The following CHRM5 variants were observed in gnomAD, a reference collection of about 807,000 sequenced individuals.
CHRM5 encodes cholinergic receptor muscarinic 5, also known as muscarinic acetylcholine receptor M5.
CHRM5 carries 18 observed loss-of-function variants against 39.0 expected under a neutral mutation model. The ratio of observed to expected loss-of-function variants is 0.46; its 90% CI spans 0.32 to 0.68. The LOEUF is 0.68. Among genes scored for constraint, CHRM5 ranks in the 30% least tolerant of loss-of-function variants. CHRM5 has a pLI of 0.04. For missense variants in CHRM5, 515 were observed against 651.1 expected, an observed-to-expected ratio of 0.79 and a Z score of 2.28; for synonymous variants, 241 against 246.3, an observed-to-expected ratio of 0.98 and a Z score of 0.20.
chr15:34,062,122 C>T (rs2140845333), intron 2 of CHRM5, among the ~76,000 whole-genome samples: 1 of 152,242 alleles, frequency 6.6e-6, no homozygotes, highest in African/African-American at 2.4e-5. Context: ...GGGCAGCAGC[C>T]TCATGCATAA....
At chr15:33,988,425 A>G (rs1896573279) in intron 1 of CHRM5, among the ~76,000 whole-genome samples, 1 of 152,244 alleles carries the variant, frequency 6.6e-6, no homozygotes, top group Non-Finnish European at 1.5e-5. Context: ...CTACATGTAT[A>G]GAATAGAGAT....
chr15:34,010,668 G>C (rs1273574225), intron 1 of CHRM5, among the ~76,000 whole-genome samples: 1 of 152,060 alleles, frequency 6.6e-6, no homozygotes, highest in Non-Finnish European at 1.5e-5. Flanking sequence ...AAAGAAATGA[G>C]AAAGAACACA....
chr15:33,993,892 C>A (rs1167329441), intron 1 of CHRM5, among the ~76,000 whole-genome samples: 3 of 152,198 alleles, frequency 2.0e-5, no homozygotes, highest in African/African-American at 7.2e-5. Context: ...CTAACGAATT[C>A]TGTGGGCATG....
intron 1 of CHRM5, among the ~76,000 whole-genome samples, chr15:34,029,430 C>A (rs558592235): frequency 6.7e-6 from 1 of 148,866 alleles, no homozygotes; most frequent in Admixed American, 6.7e-5. Flanking sequence ...CCTGTAATCC[C>A]AGCACTTTGG....
intron 1 of CHRM5, among the ~76,000 whole-genome samples, chr15:34,016,235 AAAAAAC>A (rs951470489): frequency 2.6e-5 from 4 of 152,216 alleles, no homozygotes; most frequent in South Asian, 2.1e-4. Context: ...ACTCCATCTC[AAAAAAC>A]AAAAACAAAA....
At chr15:33,983,709 C>T (rs929172971) in intron 1 of CHRM5, among the ~76,000 whole-genome samples, 4 of 152,026 alleles carry the variant, frequency 2.6e-5, no homozygotes, top group African/African-American at 9.7e-5. Flanking sequence ...CTTAGTGACT[C>T]GCTGCTAGTG....
At chr15:34,039,625 A>C (rs1899380154) in intron 1 of CHRM5, among the ~76,000 whole-genome samples, 1 of 152,180 alleles carries the variant, frequency 6.6e-6, no homozygotes. Flanking sequence ...GTGTCTGGTG[A>C]GAGGTGGACT....
chr15:34,022,365 T>C (rs6495459), intron 1 of CHRM5, among the ~76,000 whole-genome samples: 43,560 of 152,134 alleles, frequency 0.29, 7,772 homozygotes, highest in African/African-American at 0.49. Context: ...CTCTTTTCAA[T>C]TGTGACCTTT....
intron 1 of CHRM5, among the ~76,000 whole-genome samples, chr15:34,046,207 A>C (rs1336695341): frequency 1.3e-5 from 2 of 152,196 alleles, no homozygotes; most frequent in Non-Finnish European, 2.9e-5. Context: ...CTCAGTTTTC[A>C]TACTCAACTA....
chr15:33,977,693 G>A (rs959858302), intron 1 of CHRM5, among the ~76,000 whole-genome samples: 6 of 152,110 alleles, frequency 3.9e-5, no homozygotes, highest in African/African-American at 1.2e-4. Flanking sequence ...AGAATCAAAC[G>A]TTCTCTATTA....
intron 1 of CHRM5, among the ~76,000 whole-genome samples, chr15:34,036,432 A>AT (rs1055250837): frequency 8.6e-5 from 13 of 151,536 alleles, no homozygotes; most frequent in Admixed American, 1.3e-4. Flanking sequence ...GTCTATTATG[A>AT]TTTTTTTTTC....
At chr15:34,044,109 A>C (rs1899593070) in intron 1 of CHRM5, among the ~76,000 whole-genome samples, 1 of 151,964 alleles carries the variant, frequency 6.6e-6, no homozygotes, top group South Asian at 2.1e-4. Flanking sequence ...AAAAAAAAAA[A>C]ACTTCTTGGC....
intron 1 of CHRM5, among the ~76,000 whole-genome samples, chr15:34,043,554 G>T (rs1045599691): frequency 6.6e-6 from 1 of 152,150 alleles, no homozygotes; most frequent in Admixed American, 6.5e-5. Context: ...TACAGGGGGA[G>T]AGACTCTGGC....
rs143652639 is a variant in CHRM5, at chr15:34,033,492, C to T, written c.-407-13048C>T. Among the ~76,000 whole-genome samples the T allele has an allele frequency of 1.3e-3, 186 of 147,130 alleles. 5 individuals carry two copies. The East Asian group carries it at 0.031, about 24-fold the overall frequency. ...CTGCACTCCAGCCTGGGTAACAGAGCGAGGCTCCGTCTCAAAAAAAAAAAA... is the reference window on the plus strand; with the variant it reads ...CTGCACTCCAGCCTGGGTAACAGAGTGAGGCTCCGTCTCAAAAAAAAAAAA... On this transcript the variant is annotated intron_variant, in intron 1 of 2. Transcript: ENST00000383263.
At chr15:33,990,856 GGT>G (rs1244337525) in intron 1 of CHRM5, 1 of 152,116 alleles carries the variant, frequency 6.6e-6, no homozygotes, top group Non-Finnish European at 1.5e-5. Context: ...AAATTCAACA[GGT>G]TAAATTACCT....
intron 1 of CHRM5, among the ~76,000 whole-genome samples, chr15:33,986,091 A>C (rs944230574): frequency 2.2e-4 from 4 of 17,798 alleles, no homozygotes; most frequent in Non-Finnish European, 2.3e-3. Context: ...TTTCACTGTA[A>C]ATTTTTTTTT....
intron 1 of CHRM5, chr15:34,003,052 C>T: frequency 6.2e-7 from 1 of 1,613,852 alleles, no homozygotes; most frequent in South Asian, 1.1e-5. Context: ...AAGGAGGACA[C>T]TGAAATCTGT....
chr15:33,990,666 G>C (rs925542417), intron 1 of CHRM5: 7 of 152,196 alleles, frequency 4.6e-5, no homozygotes, highest in Non-Finnish European at 7.3e-5. Flanking sequence ...GGGGGCCTGG[G>C]ACCGGAAAGA....
chr15:33,969,908 C>T (rs1261256044), intron 1 of CHRM5, among the ~76,000 whole-genome samples: 1 of 151,868 alleles, frequency 6.6e-6, no homozygotes, highest in East Asian at 1.9e-4. Context: ...TAAGAAATTC[C>T]CTAGAAATCA....
Sources: gnomAD v4.1 joint callset for allele counts (sites outside exome capture counted in the v4.1 genomes callset) on GRCh38, gnomAD v4.1.1 for gene constraint, MANE v1.5 for transcripts, NCBI Gene and HGNC (gene_info 2026-07-23, HGNC 2026-07-21) for gene names.